The following SPOCK1 variants were observed in gnomAD, a reference collection of about 807,000 sequenced individuals.
The protein encoded by SPOCK1 is testican-1.
A neutral mutation model predicts 55.3 loss-of-function variants in SPOCK1; 23 were observed. The ratio of observed to expected loss-of-function variants is 0.42; its 90% CI spans 0.30 to 0.59. SPOCK1 has a LOEUF of 0.59. Among genes scored for constraint, SPOCK1 ranks in the 20% least tolerant of loss-of-function variants. The pLI, the probability that SPOCK1 is intolerant of heterozygous loss-of-function variation, is 0.22. For synonymous variants in SPOCK1, 226 were observed against 221.0 expected, an observed-to-expected ratio of 1.02 and a Z score of -0.20; for missense variants, 499 against 552.5, an observed-to-expected ratio of 0.90 and a Z score of 0.97.
At chr5:137,344,528 C>T (rs1303465768) in intron 2 of SPOCK1, among the ~76,000 whole-genome samples, 1 of 152,290 alleles carries the variant, frequency 6.6e-6, no homozygotes, top group Non-Finnish European at 1.5e-5. Flanking sequence ...TTGCCAATGT[C>T]TGGAGATAAT....
At chr5:137,040,550 GA>G (rs1751976830) in intron 6 of SPOCK1, among the ~76,000 whole-genome samples, 1 of 152,224 alleles carries the variant, frequency 6.6e-6, no homozygotes, top group Non-Finnish European at 1.5e-5. Context: ...TTTGCCATAT[GA>G]CAGACCATAG....
chr5:137,258,311 G>T (rs1450747590), intron 3 of SPOCK1, among the ~76,000 whole-genome samples: 5 of 152,178 alleles, frequency 3.3e-5, no homozygotes, highest in African/African-American at 1.2e-4. Flanking sequence ...CTTTCATCAG[G>T]CATGGTTTCT....
chr5:137,103,946 A>T (rs1753315871), intron 5 of SPOCK1, among the ~76,000 whole-genome samples: 1 of 152,238 alleles, frequency 6.6e-6, no homozygotes, highest in Non-Finnish European at 1.5e-5. Context: ...TCTGACACTG[A>T]GTGTTTGTCC....
intron 2 of SPOCK1, among the ~76,000 whole-genome samples, chr5:137,295,306 C>A (rs1001825211): frequency 3.3e-5 from 5 of 152,188 alleles, no homozygotes; most frequent in African/African-American, 1.2e-4. Context: ...TCAGTGGTCA[C>A]TGTGTTGCTC....
intron 2 of SPOCK1, among the ~76,000 whole-genome samples, chr5:137,378,562 G>A (rs1286706861): frequency 6.6e-6 from 1 of 152,232 alleles, no homozygotes; most frequent in African/African-American, 2.4e-5. Context: ...TGGGAATGAG[G>A]TTGGAAACCC....
chr5:137,036,726 C>A (rs1751892750), intron 6 of SPOCK1, among the ~76,000 whole-genome samples: 1 of 152,240 alleles, frequency 6.6e-6, no homozygotes, highest in South Asian at 2.1e-4. Context: ...GGCCCCTCCA[C>A]CTCTGAGGCT....
At chr5:137,208,714 A>T (rs1580808407) in intron 3 of SPOCK1, among the ~76,000 whole-genome samples, 3 of 152,252 alleles carry the variant, frequency 2.0e-5, no homozygotes, top group Admixed American at 2.0e-4. Context: ...TACAGGTGGG[A>T]GGGAGGAAAT....
intron 3 of SPOCK1, among the ~76,000 whole-genome samples, chr5:137,192,731 A>T (rs185992913): frequency 6.6e-6 from 1 of 152,396 alleles, no homozygotes; most frequent in Admixed American, 6.5e-5. Flanking sequence ...ATGGCCCAGC[A>T]GCTAAAGTGA....
chr5:137,096,969 C>T (rs995282377), intron 5 of SPOCK1, among the ~76,000 whole-genome samples: 4 of 152,206 alleles, frequency 2.6e-5, no homozygotes, highest in Non-Finnish European at 5.9e-5. Flanking sequence ...ATAACTGAGT[C>T]TCCCTCTCTG....
chr5:137,225,928 C>G (rs111807651), intron 3 of SPOCK1, among the ~76,000 whole-genome samples: 4 of 152,326 alleles, frequency 2.6e-5, no homozygotes, highest in Non-Finnish European at 4.4e-5. Context: ...GGTCTCCCCC[C>G]AGAGAGCACC....
In SPOCK1 at chr5:137,489,979, T is replaced by C. The variant is rs114524423; in HGVS notation, c.186+8394A>G. ...GAGCATCGGTGCCTCTGCCTTGTAG[T>C]ACTTTTCTCAAAGGAACATAAATGA... On this transcript the variant is annotated intron_variant, in intron 2 of 10. Transcript: ENST00000394945. Among the ~76,000 whole-genome samples the C allele has an allele frequency of 8.0e-3, 1,216 of 152,316 alleles. 13 individuals carry two copies. The highest frequency in any genetic ancestry group is 0.027 in the African/African-American group (1,140 of 41,554).
At chr5:137,455,514 A>G (rs1235014028) in intron 2 of SPOCK1, among the ~76,000 whole-genome samples, 2 of 152,182 alleles carry the variant, frequency 1.3e-5, no homozygotes, top group African/African-American at 4.8e-5. Context: ...CTAAATAAAG[A>G]CAATTCTAAA....
intron 2 of SPOCK1, among the ~76,000 whole-genome samples, chr5:137,321,707 C>G (rs1757985582): frequency 6.6e-6 from 1 of 151,964 alleles, no homozygotes; most frequent in South Asian, 2.1e-4. Flanking sequence ...AATCCTATCT[C>G]TACTAAAAAA....
At chr5:137,381,040 T>C (rs943554977) in intron 2 of SPOCK1, among the ~76,000 whole-genome samples, 1 of 152,010 alleles carries the variant, frequency 6.6e-6, no homozygotes, top group Non-Finnish European at 1.5e-5. Context: ...GTACAGGCAT[T>C]GGGTAAATGC....
intron 2 of SPOCK1, among the ~76,000 whole-genome samples, chr5:137,454,832 T>C (rs572343547): frequency 3.9e-5 from 6 of 152,180 alleles, no homozygotes; most frequent in African/African-American, 7.2e-5. Flanking sequence ...TGCTGTCAAA[T>C]CATATATATG....
chr5:137,225,112 G>A (rs1285372819), intron 3 of SPOCK1, among the ~76,000 whole-genome samples: 5 of 151,924 alleles, frequency 3.3e-5, no homozygotes, highest in East Asian at 1.9e-4. Flanking sequence ...CCCAAGAGCC[G>A]CACACAGGAA....
intron 2 of SPOCK1, among the ~76,000 whole-genome samples, chr5:137,349,743 G>C (rs1750635597): frequency 6.6e-6 from 1 of 152,026 alleles, no homozygotes; most frequent in Non-Finnish European, 1.5e-5. Context: ...TCTTCACATG[G>C]TGTTCTCTCT....
chr5:137,152,470 G>C (rs1197079104), intron 3 of SPOCK1, among the ~76,000 whole-genome samples: 1 of 152,120 alleles, frequency 6.6e-6, no homozygotes, highest in East Asian at 1.9e-4. Context: ...AGGACCTATG[G>C]GGTTTCCTAA....
At chr5:137,212,757 T>C (rs941114593) in intron 3 of SPOCK1, among the ~76,000 whole-genome samples, 1 of 152,236 alleles carries the variant, frequency 6.6e-6, no homozygotes, top group African/African-American at 2.4e-5. Flanking sequence ...TGTTGCCAGA[T>C]TGCTTTACCC....
Sources: gnomAD v4.1 joint callset for allele counts (sites outside exome capture counted in the v4.1 genomes callset) on GRCh38, gnomAD v4.1.1 for gene constraint, MANE v1.5 for transcripts, NCBI Gene and HGNC (gene_info 2026-07-23, HGNC 2026-07-21) for gene names.